IPO9: variants seen among roughly 807,000 people sequenced by gnomAD.
The protein encoded by IPO9 is importin 9.
IPO9 carries 28 observed loss-of-function variants against 128.6 expected under a neutral mutation model. The observed-to-expected ratio is 0.22, with a 90% CI of 0.16 to 0.30. The LOEUF is 0.30. IPO9 is among the 10% of genes least tolerant of loss of function. The probability of loss-of-function intolerance (pLI) is 1.00; values close to 1 mark genes in which losing one functional copy is unlikely to be tolerated. For synonymous variants in IPO9, 455 were observed against 475.8 expected (o/e 0.96, Z 0.57); for missense variants, 935 against 1,293.9 (o/e 0.72, Z 4.26).
At chr1:201,848,640 G>T (rs756361123) in intron 4 of IPO9, 46 bp downstream of exon 4, 4 of 1,582,972 alleles carry the variant, frequency 2.5e-6, no homozygotes, top group South Asian at 2.2e-5. Context: ...GATCTCAAGC[G>T]ACAGGAGTAT....
Position 201,857,070 on chromosome 1 carries a change from ACAAAGAC to A in IPO9, c.1123-25_1123-19del. 10 of 1,368,666 alleles carry A rather than the reference ACAAAGAC, an allele frequency of 7.3e-6. No homozygotes were observed. Among genetic ancestry groups the A allele is most frequent in the Non-Finnish European group, 1.0e-5 (10 of 956,094 alleles). 84.8% of individuals were successfully genotyped at this position (1,368,666 alleles called of 1,614,324 possible). Reference sequence around the variant, plus strand: ...AGCTATGAATCAGATTGGCAGCATCACAAAGACATAACTTGATCTTTTCAGATTAAAG... The same window carrying A: ...AGCTATGAATCAGATTGGCAGCATCAATAACTTGATCTTTTCAGATTAAAG... On this transcript the variant is annotated intron_variant, in intron 10 of 23. Transcript: ENST00000361565.
Position 201,870,452 on chromosome 1 carries a change from C to A in IPO9, c.2134-131C>A. 2 of 961,422 alleles carry A rather than the reference C, an allele frequency of 2.1e-6. No individual in the cohort carries two copies. The highest frequency in any genetic ancestry group is 3.0e-6 in the Non-Finnish European group (2 of 663,352). 59.6% of individuals were successfully genotyped at this position (961,422 alleles called of 1,614,324 possible). The stretch of plus-strand genomic sequence containing the variant: ...TGTCTTAACTCCAGTGGTATGAGCC[C>A]ACCACAAACATTATAGACTCACCGC... On this transcript the variant is annotated intron_variant, in intron 17 of 23. Coordinates refer to ENST00000361565, the MANE Select transcript of IPO9 (RefSeq NM_018085.5). The surrounding 1 kb of genome is among the most constrained non-coding windows in gnomAD (Gnocchi z 4.9).
chr1:201,846,670 G>T (rs1680128947), intron 1 of IPO9, among the ~76,000 whole-genome samples: 1 of 151,954 alleles, frequency 6.6e-6, no homozygotes, highest in Non-Finnish European at 1.5e-5. Context: ...ACTGCGCCCA[G>T]CCTGTTTTGC....
At chr1:201,851,850 A>G (rs749760436) in intron 4 of IPO9, among the ~76,000 whole-genome samples, 43 of 152,146 alleles carry the variant, frequency 2.8e-4, no homozygotes, top group Admixed American at 2.0e-4. Flanking sequence ...ATTTTCTTTC[A>G]GTATTTATAT....
rs1011962342 is a variant in IPO9 at position 201,876,384 on chromosome 1, A to C, written c.*330A>C. On this transcript the variant is annotated 3_prime_UTR_variant, in exon 24 of 24. Coordinates refer to ENST00000361565, the MANE Select transcript of IPO9 (RefSeq NM_018085.5). ...TATTGCCCAGAAGGATTATGTGTTTATGGATTATTTTGCCCCGCCTCAGGA... is the reference window on the plus strand; with the variant it reads ...TATTGCCCAGAAGGATTATGTGTTTCTGGATTATTTTGCCCCGCCTCAGGA... 2.6e-5 allele frequency: 11 copies of C among 429,628 alleles called. No homozygotes were observed. The highest frequency in any genetic ancestry group is 4.4e-5 in the Non-Finnish European group (10 of 228,246). 26.6% of individuals were successfully genotyped at this position (429,628 alleles called of 1,614,324 possible). A position where few individuals can be genotyped will look rare whatever the true frequency, so the allele number is the denominator to read the frequency against.
At position 201,871,311 on chromosome 1, in the gene IPO9, T is replaced by C. The variant is rs1384664780; in HGVS notation, c.2560T>C (p.Tyr854His). The stretch of plus-strand genomic sequence containing the variant: ...CCGACAGCACCTGTTCTATGGACAG[T>C]ATGAAGGCAAAGTCAGGTAGAACCT... ...TSRQHLFYGQ[Y>H]EGKVSSVALC... Residue 854 changes from tyrosine (Y) to histidine (H), a missense_variant, in exon 19 of 24, where the codon TAT becomes CAT. Tyr to His is a moderately conservative substitution (Grantham distance 83). Transcript: ENST00000361565. The C allele has an allele frequency of 6.2e-7, 1 of 1,606,550 alleles. No homozygotes were observed. The highest frequency in any genetic ancestry group is 1.1e-5 in the South Asian group (1 of 90,276).
At chr1:201,871,350 TG>T in intron 19 of IPO9, 23 bp downstream of exon 19, 1 of 1,354,508 alleles carries the variant, frequency 7.4e-7, no homozygotes, top group Non-Finnish European at 1.0e-6. Flanking sequence ...CTTTCTTTTC[TG>T]GGCATTCTGC....
chr1:201,861,159 C>T (rs1680438622), intron 13 of IPO9, among the ~76,000 whole-genome samples: 2 of 152,050 alleles, frequency 1.3e-5, no homozygotes, highest in African/African-American at 4.8e-5. Flanking sequence ...GAGCGAGACT[C>T]TGTCTCAAAA....
intron 6 of IPO9, 107 bp downstream of exon 6, chr1:201,853,204 A>G (rs1248729619): frequency 8.5e-6 from 7 of 819,884 alleles, no homozygotes; most frequent in Non-Finnish European, 1.5e-5. Flanking sequence ...ACTAACCAGT[A>G]TTAGAGATAG....
At chr1:201,843,563 G>A (rs894020519) in intron 1 of IPO9, among the ~76,000 whole-genome samples, 2 of 152,206 alleles carry the variant, frequency 1.3e-5, no homozygotes, top group African/African-American at 4.8e-5. Context: ...GGGTGTGGTG[G>A]CCCACACCTG....
At chr1:201,832,257 T>C (rs1679849513) in intron 1 of IPO9, among the ~76,000 whole-genome samples, 1 of 61,212 alleles carries the variant, frequency 1.6e-5, no homozygotes, top group Non-Finnish European at 3.5e-5. Flanking sequence ...TAGGAAACAC[T>C]TTTTTTTTTT....
At chr1:201,849,583 C>G (rs1054164284) in intron 4 of IPO9, among the ~76,000 whole-genome samples, 5 of 152,230 alleles carry the variant, frequency 3.3e-5, no homozygotes, top group Non-Finnish European at 7.3e-5. Flanking sequence ...TATTCTTTCT[C>G]AATCTCAGTT....
In IPO9 at chr1:201,848,612, C is replaced by T; in HGVS notation, c.514+18C>T. ...GCTGACAGGTACCAGAAGCCCTTTT[C>T]CCTGGTATTGGTACTTGGATCTCAA... On this transcript the variant is annotated intron_variant, in intron 4 of 23. Transcript: ENST00000361565. 1 of 1,611,926 alleles carries T rather than the reference C, an allele frequency of 6.2e-7. No individual in the cohort carries two copies. Among genetic ancestry groups the T allele is most frequent in the Non-Finnish European group, 8.5e-7 (1 of 1,178,754 alleles).
At chr1:201,873,066 G>A in intron 20 of IPO9, 105 bp downstream of exon 20, 1 of 1,231,876 alleles carries the variant, frequency 8.1e-7, no homozygotes, top group South Asian at 1.9e-5. Context: ...TAAAACAATT[G>A]TTGGTGATGG....
intron 1 of IPO9, among the ~76,000 whole-genome samples, chr1:201,845,936 A>G (rs1021936861): frequency 6.6e-6 from 1 of 152,172 alleles, no homozygotes; most frequent in East Asian, 1.9e-4. Context: ...TTGCAAGTAT[A>G]TATTAGATCT....
chr1:201,863,276 C>T (rs918557228), intron 13 of IPO9, 172 bp from the exon 14 acceptor site: 9 of 467,290 alleles, frequency 1.9e-5, no homozygotes, highest in South Asian at 3.8e-5. Flanking sequence ...TGCTTGAACC[C>T]GGGGGACGGA....
At position 201,881,375 on chromosome 1, in the gene IPO9, T is replaced by G. The variant is rs1206497065; in HGVS notation, c.*5321T>G. On this transcript the variant is annotated 3_prime_UTR_variant, in exon 24 of 24. Transcript: ENST00000361565. ...CCTATCAAAGGTCACCCTGCAAGTG[T>G]GTGATTATAGTCCAAGCAGCTTGTA... The G allele has an allele frequency of 6.6e-6, 1 of 152,182 alleles. No individual in the cohort carries two copies. The highest frequency in any genetic ancestry group is 1.9e-4 in the East Asian group (1 of 5,204). The allele number at this position is 152,182 out of a possible 1,614,324, so 9.4% of individuals were successfully genotyped here. A position where few individuals can be genotyped will look rare whatever the true frequency, so the allele number is the denominator to read the frequency against.
chr1:201,856,725 T>C (rs937601804), intron 10 of IPO9, among the ~76,000 whole-genome samples: 1 of 152,224 alleles, frequency 6.6e-6, no homozygotes, highest in Non-Finnish European at 1.5e-5. Context: ...CTTGCTGTTT[T>C]GCTCAGGCTG....
At chr1:201,861,450 T>G (rs1216699498) in intron 13 of IPO9, among the ~76,000 whole-genome samples, 1 of 152,230 alleles carries the variant, frequency 6.6e-6, no homozygotes, top group Non-Finnish European at 1.5e-5. Flanking sequence ...TATTATAAAA[T>G]AGGCTTTGTG....
Sources: gnomAD v4.1 joint callset for allele counts (sites outside exome capture counted in the v4.1 genomes callset) on GRCh38, gnomAD v4.1.1 for gene constraint, Gnocchi (gnomAD v3.1) non-coding constraint, MANE v1.5 for transcripts, NCBI Gene and HGNC (gene_info 2026-07-23, HGNC 2026-07-21) for gene names.